The following GGACT variants were observed in gnomAD, a reference collection of about 807,000 sequenced individuals.
GGACT encodes gamma-glutamylamine cyclotransferase, also known as gamma-glutamylaminecyclotransferase.
For missense variants in GGACT, 241 were observed against 233.2 expected, an observed-to-expected ratio of 1.03 and a Z score of -0.22; for synonymous variants, 118 against 115.3, an observed-to-expected ratio of 1.02 and a Z score of -0.15.
chr13:100,587,341 T>A (rs1875610046), intron 1 of GGACT, among the ~76,000 whole-genome samples: 1 of 152,222 alleles, frequency 6.6e-6, no homozygotes, highest in African/African-American at 2.4e-5. Context: ...TAACTAGTAG[T>A]AGTTAGGGCC....
intron 1 of GGACT, among the ~76,000 whole-genome samples, chr13:100,584,614 ATAAC>A (rs1482643681): frequency 1.3e-5 from 2 of 152,228 alleles, no homozygotes; most frequent in Non-Finnish European, 2.9e-5. Flanking sequence ...ACATTTAAAA[ATAAC>A]TAAGAGTATC....
At chr13:100,579,898 T>C (rs1216270272) in intron 2 of GGACT, 1 of 152,154 alleles carries the variant, frequency 6.6e-6, no homozygotes, top group Non-Finnish European at 1.5e-5. Flanking sequence ...TAGAGAGGGA[T>C]CACCCCCTTT....
chr13:100,547,225 C>T (rs948289673), intron 2 of GGACT, among the ~76,000 whole-genome samples: 6 of 152,148 alleles, frequency 3.9e-5, no homozygotes, highest in South Asian at 2.1e-4. Flanking sequence ...AGTAGCCAGG[C>T]GGGATGTAAT....
chr13:100,532,349 G>A lies in GGACT; in HGVS notation c.243C>T (p.Phe81=), dbSNP rs1383210190. 11 of 1,550,484 alleles carry A rather than the reference G, an allele frequency of 7.1e-6. No individual in the cohort carries two copies. In the African/African-American group the frequency reaches 1.1e-4, roughly 15 times the overall value. The part of the protein sequence containing the change: ...DERMLRFLDD[F]ESCPALYQRT... Reference sequence around the variant, plus strand: ...GCTGGTACAGGGCCGGGCAACTCTCGAAGTCATCCAGAAAGCGCAGCATCC... The same window carrying A: ...GCTGGTACAGGGCCGGGCAACTCTCAAAGTCATCCAGAAAGCGCAGCATCC... The change falls in exon 3 of 3, where the codon TTC becomes TTT. Residue 81 remains phenylalanine (F), a synonymous_variant. Transcript: ENST00000683975.
intron 2 of GGACT, 67 bp from the exon 3 acceptor site, chr13:100,532,668 G>A: frequency 7.6e-7 from 1 of 1,310,440 alleles, no homozygotes; most frequent in Admixed American, 2.4e-5. Context: ...CTGGGACGTG[G>A]CTCCCGGCCC....
intron 2 of GGACT, chr13:100,538,558 G>A (rs573220055): frequency 1.4e-4 from 21 of 152,302 alleles, no homozygotes; most frequent in Admixed American, 1.3e-3. Flanking sequence ...TTGCAAAACT[G>A]AAACTTTGTA....
intron 2 of GGACT, among the ~76,000 whole-genome samples, chr13:100,554,434 G>A (rs751154348): frequency 6.6e-5 from 10 of 152,166 alleles, no homozygotes; most frequent in Non-Finnish European, 1.3e-4. Context: ...TTACATTAAC[G>A]ATTTCAGGTA....
chr13:100,539,814 G>GATTT (rs2088533022), intron 2 of GGACT: 1 of 491,028 alleles, frequency 2.0e-6, no homozygotes. Flanking sequence ...CTGGTCCTGG[G>GATTT]CTTTTTTTTT....
chr13:100,578,149 AC>A (rs1200760636), intron 2 of GGACT, among the ~76,000 whole-genome samples: 1 of 152,196 alleles, frequency 6.6e-6, no homozygotes, highest in Non-Finnish European at 1.5e-5. Context: ...ATGTCCGAAC[AC>A]CAAGTGCACT....
chr13:100,543,449 G>T (rs1276528396), intron 2 of GGACT, among the ~76,000 whole-genome samples: 1 of 151,802 alleles, frequency 6.6e-6, no homozygotes, highest in Non-Finnish European at 1.5e-5. Flanking sequence ...CTTGTGATCC[G>T]CCCACCTCGG....
chr13:100,580,723 G>A (rs1233322947), intron 2 of GGACT, among the ~76,000 whole-genome samples: 1 of 152,212 alleles, frequency 6.6e-6, no homozygotes, highest in Non-Finnish European at 1.5e-5. Flanking sequence ...CCAGGGGGAA[G>A]CTATGAAATC....
intron 2 of GGACT, chr13:100,535,970 C>G (rs1462760599): frequency 6.6e-6 from 1 of 152,102 alleles, no homozygotes; most frequent in African/African-American, 2.4e-5. Context: ...CATTCCTGTC[C>G]CGTCCTCTGG....
chr13:100,565,572 G>C (rs756408126), intron 2 of GGACT, among the ~76,000 whole-genome samples: 14 of 152,160 alleles, frequency 9.2e-5, no homozygotes, highest in Admixed American at 8.5e-4. Context: ...TAACCACTCA[G>C]GTTAACCCCC....
At chr13:100,573,657 A>G (rs1467473230) in intron 2 of GGACT, among the ~76,000 whole-genome samples, 2 of 151,944 alleles carry the variant, frequency 1.3e-5, no homozygotes, top group Non-Finnish European at 2.9e-5. Flanking sequence ...TTGGCCTAAT[A>G]TGTTAGTTTT....
At chr13:100,540,457 G>T (rs1048872403) in intron 2 of GGACT, among the ~76,000 whole-genome samples, 1 of 152,154 alleles carries the variant, frequency 6.6e-6, no homozygotes, top group Admixed American at 6.6e-5. Flanking sequence ...AAGATGTGTT[G>T]TTCTGTAGGA....
At chr13:100,557,449 G>A (rs2088718434) in intron 2 of GGACT, among the ~76,000 whole-genome samples, 1 of 152,246 alleles carries the variant, frequency 6.6e-6, no homozygotes, top group East Asian at 1.9e-4. Flanking sequence ...GTACAGAACA[G>A]AGTCCAGAAG....
chr13:100,565,783 G>C (rs1156911423), intron 2 of GGACT, among the ~76,000 whole-genome samples: 2 of 152,140 alleles, frequency 1.3e-5, no homozygotes, highest in African/African-American at 4.8e-5. Flanking sequence ...GTGGCAAGCA[G>C]ACTCTCACAT....
At chr13:100,540,537 GGTCTGTCAATTTTGTT>G (rs2153012890) in intron 2 of GGACT, among the ~76,000 whole-genome samples, 1 of 152,232 alleles carries the variant, frequency 6.6e-6, no homozygotes, top group East Asian at 1.9e-4. Context: ...TTAAGTTAAA[GGTCTGTCAATTTTGTT>G]AGTCTTCTCA....
chr13:100,550,653 G>A (rs920818739), intron 2 of GGACT, among the ~76,000 whole-genome samples: 3 of 152,150 alleles, frequency 2.0e-5, no homozygotes, highest in African/African-American at 7.2e-5. Context: ...AAAGGCCCAC[G>A]CACAGGCCAC....
Sources: allele counts gnomAD v4.1 joint callset (sites outside exome capture counted in the v4.1 genomes callset), GRCh38; gene constraint gnomAD v4.1.1; transcripts MANE v1.5; gene names NCBI Gene and HGNC (gene_info 2026-07-23, HGNC 2026-07-21).